Variants in C14orf39 observed in about 807,000 individuals in gnomAD.
C14orf39 encodes the protein protein SIX6OS1.
C14orf39 carries 66 observed loss-of-function variants against 85.6 expected under a neutral mutation model. The observed-to-expected ratio is 0.77, with a 90% CI of 0.63 to 0.95. The LOEUF (loss-of-function observed/expected upper bound fraction) is 0.95, where lower values mean the gene tolerates loss of function less well. C14orf39 is among the 40% of genes least tolerant of loss of function. The probability of loss-of-function intolerance (pLI) is 0.00; values close to 1 mark genes in which losing one functional copy is unlikely to be tolerated. For missense variants in C14orf39, 735 were observed against 663.9 expected, an observed-to-expected ratio of 1.11 and a Z score of -1.18; for synonymous variants, 242 against 214.0, an observed-to-expected ratio of 1.13 and a Z score of -1.14.
intron 1 of C14orf39, chr14:60,510,033 T>A: frequency 7.0e-7 from 1 of 1,425,556 alleles, no homozygotes; most frequent in Non-Finnish European, 9.7e-7. Context: ...GAGGCACCTC[T>A]GGCGCCCTTA....
intron 11 of C14orf39, among the ~76,000 whole-genome samples, chr14:60,462,146 G>A (rs973589614): frequency 7.2e-5 from 11 of 151,986 alleles, no homozygotes; most frequent in South Asian, 2.1e-4. Flanking sequence ...GACTGAGGCC[G>A]GAGGATCACT....
At position 60,486,046 on chromosome 14, in the gene C14orf39, G is replaced by A. The variant is rs1185015175; in HGVS notation, c.-110C>T. The A allele has an allele frequency of 6.5e-6, 1 of 152,752 alleles. No homozygotes were observed. Among genetic ancestry groups the A allele is most frequent in the Middle Eastern group, 3.3e-3 (1 of 300 alleles). 9.5% of individuals were successfully genotyped at this position (152,752 alleles called of 1,614,324 possible). A position where few individuals can be genotyped will look rare whatever the true frequency, so the allele number is the denominator to read the frequency against. On this transcript the variant is annotated 5_prime_UTR_variant, in exon 1 of 18. Coordinates refer to ENST00000321731, the MANE Select transcript of C14orf39 (RefSeq NM_174978.3). Reference sequence around the variant, plus strand: ...GGATCCTAACTACAAACGGTCCCCGGAGCCCTGGGCTGGACTCGCTCAGCC... The same window carrying A: ...GGATCCTAACTACAAACGGTCCCCGAAGCCCTGGGCTGGACTCGCTCAGCC...
Position 60,491,964 on chromosome 14 carries a change from A to G in C14orf39, c.-8-6878T>C, listed in dbSNP as rs1373122580. On this transcript the variant is annotated intron_variant, in intron 2 of 5. Coordinates refer to the C14orf39 transcript ENST00000556799. The surrounding 1 kb of genome is among the most constrained non-coding windows in gnomAD (Gnocchi z 4.5). ...TCAACAGACAGCATCACCAGGTACA[A>G]CTACAGGTGCTTCCCTATTGATCAT... is the stretch of plus-strand genomic sequence containing the variant. 1.3e-5 allele frequency among the ~76,000 whole-genome samples: 2 copies of G among 152,210 alleles called. No homozygotes were observed. The highest frequency in any genetic ancestry group is 4.8e-5 in the African/African-American group (2 of 41,458).
intron 2 of C14orf39, chr14:60,496,906 G>C (rs984230344): frequency 2.0e-5 from 3 of 152,280 alleles, no homozygotes; most frequent in Admixed American, 6.5e-5. Context: ...CTGGGTGCTG[G>C]GGGGAGCTGC....
intron 9 of C14orf39, 73 bp from the exon 10 acceptor site, chr14:60,467,117 T>C: frequency 2.8e-6 from 2 of 707,546 alleles, no homozygotes; most frequent in Non-Finnish European, 2.0e-6. Context: ...AGGAGGCATA[T>C]TTAGATACTA....
chr14:60,453,283 T>C (rs954046490), intron 16 of C14orf39, among the ~76,000 whole-genome samples: 23 of 152,150 alleles, frequency 1.5e-4, no homozygotes, highest in African/African-American at 5.1e-4. Flanking sequence ...TCCTTATGAA[T>C]TGACTTTTTT....
intron 2 of C14orf39, chr14:60,496,046 CT>C: frequency 1.3e-6 from 1 of 759,108 alleles, no homozygotes; most frequent in Non-Finnish European, 2.1e-6. Context: ...CATGAGGTAG[CT>C]TGGCTTGTTT....
Position 60,482,202 on chromosome 14 carries a change from C to T in C14orf39, c.233+1489G>A, listed in dbSNP as rs148531891. ...TACAAAGTACAGTGTATCTAGGACA[C>T]GGTAGGTTCTACGGGGAAACTATTA... On this transcript the variant is annotated intron_variant, in intron 4 of 17. Transcript: ENST00000321731. Among the ~76,000 whole-genome samples the T allele has an allele frequency of 4.1e-3, 619 of 152,256 alleles. 7 individuals carry two copies. Among genetic ancestry groups the T allele is most frequent in the African/African-American group, 0.014 (589 of 41,554 alleles).
rs531912854 is a variant in C14orf39 at position 60,442,096 on chromosome 14, A to C, written c.1539T>G (p.Pro513=). The change falls in exon 17 of 18, where the codon CCT becomes CCG. Residue 513 remains proline, a synonymous_variant. Coordinates refer to ENST00000321731, the MANE Select transcript of C14orf39 (RefSeq NM_174978.3). ...NEHYSARNLN[P]LSSEQEIGNL... ...TACCAATCTCTTGCTCTGATGACAG[A>C]GGATTTAGATTTCTTGCAGAATAAT... 2 of 1,610,504 alleles carry C rather than the reference A, an allele frequency of 1.2e-6. No individual in the cohort carries two copies. Among genetic ancestry groups the C allele is most frequent in the Non-Finnish European group, 1.7e-6 (2 of 1,177,492 alleles).
At chr14:60,503,371 G>C (rs1458104231) in intron 1 of C14orf39, among the ~76,000 whole-genome samples, 1 of 152,206 alleles carries the variant, frequency 6.6e-6, no homozygotes, top group East Asian at 1.9e-4. Flanking sequence ...AGTCACAACA[G>C]CATGAAATAG....
At chr14:60,457,451 C>T (rs1235097404) in intron 14 of C14orf39, among the ~76,000 whole-genome samples, 2 of 151,882 alleles carry the variant, frequency 1.3e-5, no homozygotes, top group Non-Finnish European at 2.9e-5. Flanking sequence ...AGGCTATCTC[C>T]TTGAAAGTGA....
At chr14:60,462,690 C>T (rs988699354) in intron 11 of C14orf39, among the ~76,000 whole-genome samples, 1 of 152,122 alleles carries the variant, frequency 6.6e-6, no homozygotes, top group Non-Finnish European at 1.5e-5. Context: ...GTTCAACCCA[C>T]GGCCTGCAGG....
chr14:60,440,861 C>T (rs2140015416), intron 17 of C14orf39, among the ~76,000 whole-genome samples: 1 of 152,054 alleles, frequency 6.6e-6, no homozygotes, highest in African/African-American at 2.4e-5. Flanking sequence ...ACCTTTTTGC[C>T]CTTTGCTTGG....
At chr14:60,506,546 C>T (rs1893206084) in intron 1 of C14orf39, among the ~76,000 whole-genome samples, 1 of 152,190 alleles carries the variant, frequency 6.6e-6, no homozygotes, top group Admixed American at 6.5e-5. Context: ...TCGTCCCTTC[C>T]CCTTGTGAAG....
In C14orf39 at chr14:60,461,541, G is replaced by C; in HGVS notation, c.1025C>G (p.Thr342Ser). The C allele has an allele frequency of 6.3e-7, 1 of 1,588,454 alleles. No homozygotes were observed. The highest frequency in any genetic ancestry group is 8.5e-7 in the Non-Finnish European group (1 of 1,170,868). Reference protein sequence around the residue: ...DNHSKCSHITTITSSQKFMQV... With the variant: ...DNHSKCSHITSITSSQKFMQV... ...CATAAACTTTTGTGAACTTGTGATA[G>C]TCGTAATATGTGAACATTTTGAATG... Residue 342 changes from threonine to serine, a missense_variant, in exon 12 of 18, where the codon ACT (threonine) becomes AGT (serine). By Grantham distance (58) the Thr-to-Ser change is moderately conservative. Transcript: ENST00000321731.
intron 16 of C14orf39, among the ~76,000 whole-genome samples, chr14:60,453,254 A>G (rs1891119920): frequency 6.6e-6 from 1 of 152,020 alleles, no homozygotes; most frequent in Non-Finnish European, 1.5e-5. Flanking sequence ...GGCTTTACAC[A>G]TTTGTGACTG....
chr14:60,509,663 G>A lies in C14orf39; in HGVS notation c.-144+5732C>T, dbSNP rs1459844362. The A allele has an allele frequency of 3.1e-6, 5 of 1,613,904 alleles. No homozygotes were observed. The African/African-American group carries it at 5.3e-5, about 17-fold the overall frequency. ...CAAGGAGTCGCACGCCAAGCTGCAG[G>A]CGCTGTGGCTTGAAGCACACTACCA... On this transcript the variant is annotated intron_variant, in intron 1 of 5. Coordinates refer to the C14orf39 transcript ENST00000556799.
At chr14:60,476,958 T>G (rs561305729) in intron 5 of C14orf39, among the ~76,000 whole-genome samples, 2 of 152,208 alleles carry the variant, frequency 1.3e-5, no homozygotes, top group African/African-American at 4.8e-5. Flanking sequence ...CGTGCCTATA[T>G]CTAACAAATG....
intron 15 of C14orf39, among the ~76,000 whole-genome samples, chr14:60,455,964 G>A (rs1310491284): frequency 6.6e-6 from 1 of 152,110 alleles, no homozygotes; most frequent in Admixed American, 6.6e-5. Flanking sequence ...CATCCATGGG[G>A]AGAGGTCTTA....
Sources: allele counts gnomAD v4.1 joint callset (sites outside exome capture counted in the v4.1 genomes callset), GRCh38; gene constraint gnomAD v4.1.1; non-coding constraint Gnocchi (gnomAD v3.1); transcripts MANE v1.5; gene names NCBI Gene and HGNC (gene_info 2026-07-23, HGNC 2026-07-21).